INPP4B: variants seen among roughly 807,000 people sequenced by gnomAD.
The protein encoded by INPP4B is inositol polyphosphate 4-phosphatase type II.
A neutral mutation model predicts 122.5 loss-of-function variants in INPP4B; 55 were observed. That is an observed-to-expected ratio of 0.45 (90% CI 0.36 to 0.56). The LOEUF (loss-of-function observed/expected upper bound fraction) is 0.56. Among genes scored for constraint, INPP4B ranks in the 20% least tolerant of loss-of-function variants. The probability of loss-of-function intolerance (pLI) is 0.00; values close to 1 mark genes in which losing one functional copy is unlikely to be tolerated. For missense variants in INPP4B, 1,000 were observed against 1,097.7 expected (o/e 0.91, Z 1.26); for synonymous variants, 403 against 388.7 (o/e 1.04, Z -0.43).
At chr4:142,190,663 C>T (rs1304423789) in intron 15 of INPP4B, among the ~76,000 whole-genome samples, 1 of 151,686 alleles carries the variant, frequency 6.6e-6, no homozygotes, top group Non-Finnish European at 1.5e-5. Flanking sequence ...TCAGTGTTTG[C>T]AAGCATTGAA....
Position 142,531,271 on chromosome 4 carries a change from T to TAA in INPP4B, c.-190-68547_-190-68546dup, listed in dbSNP as rs35095255. Reference sequence around the variant, plus strand: ...TAACAGGAAGAGAAGAAGAGATGATTAAAAAAAAAGAAGGAAGAAAGAAAG... The same window carrying TAA: ...TAACAGGAAGAGAAGAAGAGATGATTAAAAAAAAAAAGAAGGAAGAAAGAAAG... On this transcript the variant is annotated intron_variant, in intron 2 of 25. Coordinates refer to ENST00000262992, the MANE Select transcript of INPP4B (RefSeq NM_001101669.3). Among the ~76,000 whole-genome samples, 42 of 149,422 alleles carry TAA rather than the reference T, an allele frequency of 2.8e-4. No individual in the cohort carries two copies. The South Asian group carries it at 6.8e-3, about 24-fold the overall frequency.
intron 9 of INPP4B, among the ~76,000 whole-genome samples, chr4:142,280,327 T>C (rs1158874353): frequency 4.6e-5 from 7 of 152,004 alleles, no homozygotes; most frequent in Admixed American, 1.3e-4. Context: ...AAACAAACTT[T>C]GTTGTATCCA....
intron 1 of INPP4B, among the ~76,000 whole-genome samples, chr4:142,819,116 T>C (rs918986809): frequency 7.2e-5 from 11 of 152,172 alleles, no homozygotes; most frequent in African/African-American, 1.9e-4. Context: ...AACACTTGTA[T>C]TCCCACCCTT....
rs1459893513 is a variant in INPP4B at position 142,555,594 on chromosome 4, C to T, written c.-190-92868G>A. On this transcript the variant is annotated intron_variant, in intron 2 of 25. Transcript: ENST00000262992. ...AAATTTAAAAAGCATTTCGGCCAGG[C>T]GTGGTGGCTCATGCCTGTAATCCCA... Among the ~76,000 whole-genome samples the T allele has an allele frequency of 2.6e-5, 4 of 152,146 alleles. No homozygotes were observed. The East Asian group carries it at 5.8e-4, about 22-fold the overall frequency.
chr4:142,313,107 G>T (rs2151300513), intron 8 of INPP4B, among the ~76,000 whole-genome samples: 1 of 152,256 alleles, frequency 6.6e-6, no homozygotes, highest in Admixed American at 6.5e-5. Context: ...ATGGTGGGAG[G>T]AGGTAGAAGA....
Position 142,301,904 on chromosome 4 carries a change from A to AT in INPP4B, c.503+3553dup, listed in dbSNP as rs918822170. 2.4e-4 allele frequency among the ~76,000 whole-genome samples: 37 copies of AT among 152,082 alleles called. 1 individual carries two copies. The highest frequency in any genetic ancestry group is 1.8e-3 in the Admixed American group (28 of 15,268). On this transcript the variant is annotated intron_variant, in intron 9 of 25. Coordinates refer to ENST00000262992, the MANE Select transcript of INPP4B (RefSeq NM_001101669.3). ...GTTTAAATACTTTAAGATCAATATA[A>AT]TTTTTTTTCCTGACTGCTAGTATCA...
intron 3 of INPP4B, among the ~76,000 whole-genome samples, chr4:142,437,661 G>A (rs901258406): frequency 2.6e-5 from 4 of 151,988 alleles, no homozygotes; most frequent in Admixed American, 6.6e-5. Flanking sequence ...GCCAAACTAA[G>A]CTTCACAAGC....
chr4:142,192,333 T>TG (rs1491441780), intron 15 of INPP4B, among the ~76,000 whole-genome samples: 1 of 8,956 alleles, frequency 1.1e-4, no homozygotes, highest in Non-Finnish European at 3.1e-4. Context: ...AATCTAAAAG[T>TG]AAAAAAAAAA....
At chr4:142,212,481 C>T (rs1193866101) in intron 12 of INPP4B, among the ~76,000 whole-genome samples, 1 of 152,190 alleles carries the variant, frequency 6.6e-6, no homozygotes, top group African/African-American at 2.4e-5. Flanking sequence ...GCTGCAATTT[C>T]TCCTTCCCAT....
chr4:142,157,996 C>T (rs1818110853), intron 17 of INPP4B, among the ~76,000 whole-genome samples: 1 of 152,076 alleles, frequency 6.6e-6, no homozygotes, highest in African/African-American at 2.4e-5. Context: ...TCCACCTGGA[C>T]CCTACCGTTG....
chr4:142,113,389 C>A (rs1791260814), intron 21 of INPP4B, among the ~76,000 whole-genome samples: 1 of 151,984 alleles, frequency 6.6e-6, no homozygotes, highest in African/African-American at 2.4e-5. Flanking sequence ...ATTTAGAAAG[C>A]TTTGCCCAGA....
intron 9 of INPP4B, among the ~76,000 whole-genome samples, chr4:142,274,843 G>A (rs1747623452): frequency 6.7e-6 from 1 of 148,810 alleles, no homozygotes; most frequent in Non-Finnish European, 1.5e-5. Context: ...AACGCAGAAA[G>A]CAGAGAGAGA....
chr4:142,559,519 G>A (rs369082091), intron 2 of INPP4B, among the ~76,000 whole-genome samples: 193 of 152,194 alleles, frequency 1.3e-3, no homozygotes, highest in African/African-American at 4.5e-3. Flanking sequence ...ACATTCAAAA[G>A]CATCAAATAG....
chr4:142,517,581 A>G (rs1217055234), intron 2 of INPP4B, among the ~76,000 whole-genome samples: 2 of 151,606 alleles, frequency 1.3e-5, no homozygotes, highest in Non-Finnish European at 1.5e-5. Context: ...AGTGCATCTT[A>G]TGAATATGTC....
chr4:142,486,243 C>T (rs925967857), intron 2 of INPP4B, among the ~76,000 whole-genome samples: 7 of 152,282 alleles, frequency 4.6e-5, no homozygotes, highest in African/African-American at 1.7e-4. Flanking sequence ...CCATTTTCTA[C>T]TCCCACTAGC....
intron 2 of INPP4B, among the ~76,000 whole-genome samples, chr4:142,530,230 A>AGGTCAGGTATCCTAAACTCAGTG (rs1439482026): frequency 3.3e-5 from 5 of 152,070 alleles, no homozygotes; most frequent in Admixed American, 6.6e-5. Flanking sequence ...ACAATTCTGA[A>AGGTCAGGTATCCTAAACTCAGTG]GGTCAGGTAT....
intron 2 of INPP4B, among the ~76,000 whole-genome samples, chr4:142,465,447 G>A (rs1173668151): frequency 6.6e-6 from 1 of 152,162 alleles, no homozygotes; most frequent in Non-Finnish European, 1.5e-5. Flanking sequence ...TTAGGACACA[G>A]AAGTTTTCTT....
intron 2 of INPP4B, among the ~76,000 whole-genome samples, chr4:142,605,849 C>CA (rs1214199536): frequency 2.0e-5 from 3 of 151,324 alleles, no homozygotes; most frequent in African/African-American, 4.8e-5. Context: ...GCAGATTTCT[C>CA]AAAAAAACAA....
At chr4:142,417,177 C>G (rs1805950546) in intron 5 of INPP4B, among the ~76,000 whole-genome samples, 1 of 152,126 alleles carries the variant, frequency 6.6e-6, no homozygotes, top group Non-Finnish European at 1.5e-5. Context: ...AGCTTCAGAG[C>G]CCTAGGCATA....
Sources: allele counts gnomAD v4.1 joint callset (sites outside exome capture counted in the v4.1 genomes callset), GRCh38; gene constraint gnomAD v4.1.1; transcripts MANE v1.5; gene names NCBI Gene and HGNC (gene_info 2026-07-23, HGNC 2026-07-21).